The following RNF185 variants were observed in gnomAD, a reference collection of about 807,000 sequenced individuals.
RNF185 encodes E3 ubiquitin-protein ligase RNF185.
In RNF185, 13 loss-of-function variants were observed where a neutral mutation model predicts 24.9. The ratio of observed to expected loss-of-function variants is 0.52; its 90% CI spans 0.34 to 0.83. The LOEUF (loss-of-function observed/expected upper bound fraction) is 0.83, where lower values mean the gene tolerates loss of function less well. Ranked by LOEUF, RNF185 falls within the 40% of genes least tolerant of loss-of-function variation. The pLI, the probability that RNF185 is intolerant of heterozygous loss-of-function variation, is 0.01. For synonymous variants in RNF185, 79 were observed against 90.3 expected (o/e 0.88, Z 0.71); for missense variants, 184 against 244.7 (o/e 0.75, Z 1.65).
intron 6 of RNF185, among the ~76,000 whole-genome samples, 156 bp from the exon 7 acceptor site, chr22:31,204,333 A>G (rs1227654942): frequency 2.6e-5 from 4 of 151,330 alleles, no homozygotes; most frequent in Non-Finnish European, 4.4e-5. Context: ...ACAGAGCGAG[A>G]CTACATTTCA....
chr22:31,187,605 T>C (rs55737363), intron 2 of RNF185, among the ~76,000 whole-genome samples: 12,992 of 152,230 alleles, frequency 0.085, 847 homozygotes, highest in East Asian at 0.4. Context: ...CTTCCTCCTT[T>C]TGAAGCTTGA....
intron 6 of RNF185, among the ~76,000 whole-genome samples, chr22:31,203,908 G>C (rs1002268688): frequency 6.6e-6 from 1 of 151,914 alleles, no homozygotes; most frequent in African/African-American, 2.4e-5. Flanking sequence ...GGGTGTGGTG[G>C]TGCGTGCCTG....
intron 1 of RNF185, among the ~76,000 whole-genome samples, chr22:31,175,360 A>C (rs2047972446): frequency 6.6e-6 from 1 of 150,460 alleles, no homozygotes; most frequent in South Asian, 2.1e-4. Context: ...AGGCTGATGC[A>C]GGAGAATTGC....
chr22:31,167,682 C>T (rs1602785778), intron 1 of RNF185, among the ~76,000 whole-genome samples: 1 of 138,492 alleles, frequency 7.2e-6, no homozygotes. Context: ...GGTGTCATCT[C>T]AGCTCACTTC....
intron 1 of RNF185, among the ~76,000 whole-genome samples, chr22:31,167,316 A>G (rs1176249344): frequency 6.6e-6 from 1 of 152,134 alleles, no homozygotes; most frequent in Admixed American, 6.6e-5. Flanking sequence ...TACAGCAGTG[A>G]GCCATTGTGC....
At chr22:31,191,946 CT>C (rs559098053) in intron 2 of RNF185, among the ~76,000 whole-genome samples, 10 of 145,138 alleles carry the variant, frequency 6.9e-5, no homozygotes, top group Admixed American at 7.0e-5. Flanking sequence ...AGTCAGGAGA[CT>C]TTTTTTTTTA....
At chr22:31,187,355 C>T in intron 2 of RNF185, 85 bp downstream of exon 2, 2 of 1,430,670 alleles carry the variant, frequency 1.4e-6, no homozygotes, top group Non-Finnish European at 1.9e-6. Context: ...CAGAATGCTT[C>T]CTGCTCACTT....
intron 3 of RNF185, among the ~76,000 whole-genome samples, chr22:31,193,907 T>C (rs1482792399): frequency 6.6e-6 from 1 of 151,712 alleles, no homozygotes; most frequent in African/African-American, 2.4e-5. Flanking sequence ...ATTTTTTTTT[T>C]TTTTTGAGAC....
Position 31,204,526 on chromosome 22 carries a change from C to T in RNF185, c.519C>T (p.Phe173=). 2 of 1,611,124 alleles carry T rather than the reference C, an allele frequency of 1.2e-6. No individual in the cohort carries two copies. The highest frequency in any genetic ancestry group is 1.7e-4 in the Middle Eastern group (1 of 6,028). ...CACCCCAGTATGTGGACGAGCAGTT[C>T]CTGTCACGCCTCTTCCTATTTGTGG... ...PGTPQYVDEQ[F]LSRLFLFVAL... The change falls in exon 7 of 7, where the codon TTC becomes TTT. Residue 173 remains phenylalanine, a synonymous_variant. Coordinates refer to ENST00000326132, the MANE Select transcript of RNF185 (RefSeq NM_152267.4).
At chr22:31,187,418 C>CAT in intron 2 of RNF185, 148 bp downstream of exon 2, 1 of 835,694 alleles carries the variant, frequency 1.2e-6, no homozygotes, top group Non-Finnish European at 1.9e-6. Context: ...CATCCCAGCT[C>CAT]TGCTACCAAT....
intron 3 of RNF185, among the ~76,000 whole-genome samples, 156 bp from the exon 4 acceptor site, chr22:31,195,313 A>G (rs1020474401): frequency 6.6e-6 from 1 of 152,194 alleles, no homozygotes; most frequent in Non-Finnish European, 1.5e-5. Context: ...GCTGAATGGT[A>G]GGAGAAGGAA....
intron 1 of RNF185, among the ~76,000 whole-genome samples, chr22:31,176,331 A>G (rs1047968363): frequency 6.7e-6 from 1 of 149,836 alleles, no homozygotes; most frequent in Non-Finnish European, 1.5e-5. Context: ...GGTTCAAGCA[A>G]TTCTCCTGTG....
intron 3 of RNF185, among the ~76,000 whole-genome samples, chr22:31,193,615 A>C (rs2048175882): frequency 6.6e-6 from 1 of 151,952 alleles, no homozygotes; most frequent in Non-Finnish European, 1.5e-5. Flanking sequence ...CCAATATGGC[A>C]AAACCCCGTC....
chr22:31,201,698 G>A, intron 6 of RNF185, 83 bp downstream of exon 6: 1 of 955,482 alleles, frequency 1.0e-6, no homozygotes, highest in Non-Finnish European at 1.7e-6. Context: ...CAGTATATAA[G>A]TTACAGATAA....
intron 2 of RNF185, among the ~76,000 whole-genome samples, chr22:31,187,796 A>G (rs560799620): frequency 3.9e-5 from 6 of 152,308 alleles, no homozygotes; most frequent in Non-Finnish European, 7.3e-5. Flanking sequence ...TTATGTTTAT[A>G]TATAGATAGA....
chr22:31,195,527 G>T lies in RNF185; in HGVS notation c.254G>T (p.Arg85Leu). 6.2e-7 allele frequency: 1 copy of T among 1,611,674 alleles called. No homozygotes were observed. The highest frequency in any genetic ancestry group is 8.5e-7 in the Non-Finnish European group (1 of 1,178,966). The change falls in exon 4 of 7, where the codon CGA (arginine) becomes CTA (leucine). Residue 85 changes from arginine (R) to leucine (L), a missense_variant. By Grantham distance (102) the Arg-to-Leu change is moderately radical. Coordinates refer to ENST00000326132, the MANE Select transcript of RNF185 (RefSeq NM_152267.4). ...CCTGTTTGCAAAGCTGGCATCAGCC[G>T]AGACAAGGTCATCCCCCTCTATGGA... The part of the protein sequence containing the change: ...VCPVCKAGIS[R>L]DKVIPLYGRG...
At chr22:31,171,037 A>G (rs5753494) in intron 1 of RNF185, among the ~76,000 whole-genome samples, 6,573 of 152,130 alleles carry the variant, frequency 0.043, 547 homozygotes, top group East Asian at 0.37. Flanking sequence ...GTTTTTTCTT[A>G]ACACTATCAT....
At chr22:31,177,341 A>G (rs1382742849) in intron 1 of RNF185, among the ~76,000 whole-genome samples, 3 of 151,988 alleles carry the variant, frequency 2.0e-5, no homozygotes, top group Non-Finnish European at 2.9e-5. Flanking sequence ...GGAAGATTAG[A>G]GGGAACCAGA....
intron 1 of RNF185, among the ~76,000 whole-genome samples, chr22:31,176,637 C>T (rs557768594): frequency 3.4e-4 from 51 of 151,702 alleles, no homozygotes; most frequent in African/African-American, 1.1e-3. Flanking sequence ...TACAGGTGCC[C>T]GCCACCATGC....
Sources: gnomAD v4.1 joint callset for allele counts (sites outside exome capture counted in the v4.1 genomes callset) on GRCh38, gnomAD v4.1.1 for gene constraint, MANE v1.5 for transcripts, NCBI Gene and HGNC (gene_info 2026-07-23, HGNC 2026-07-21) for gene names.